KIRREL3: variants seen among roughly 807,000 people sequenced by gnomAD.
KIRREL3 encodes the protein kin of IRRE-like protein 3.
A neutral mutation model predicts 89.7 loss-of-function variants in KIRREL3; 36 were observed. The observed-to-expected ratio is 0.40, with a 90% confidence interval of 0.31 to 0.53. The LOEUF (loss-of-function observed/expected upper bound fraction) is 0.53. Ranked by LOEUF, KIRREL3 falls within the 20% of genes least tolerant of loss-of-function variation. The probability of loss-of-function intolerance (pLI) is 0.49; values close to 1 mark genes in which losing one functional copy is unlikely to be tolerated. For synonymous variants in KIRREL3, 445 were observed against 441.4 expected, an observed-to-expected ratio of 1.01 and a Z score of -0.10; for missense variants, 864 against 1,056.6, an observed-to-expected ratio of 0.82 and a Z score of 2.53.
At chr11:126,765,700 G>C (rs1949802073) in intron 1 of KIRREL3, among the ~76,000 whole-genome samples, 10 of 152,128 alleles carry the variant, frequency 6.6e-5, no homozygotes, top group Admixed American at 6.5e-4. Flanking sequence ...GCAGTTTTCG[G>C]GGAAGCAACC....
chr11:126,510,012 A>AAAAAAAG (rs1489081152), intron 4 of KIRREL3, among the ~76,000 whole-genome samples: 1 of 134,012 alleles, frequency 7.5e-6, no homozygotes, highest in East Asian at 2.0e-4. Flanking sequence ...AAAAAAAAAA[A>AAAAAAAG]AAAAAAGAAA....
intron 1 of KIRREL3, among the ~76,000 whole-genome samples, chr11:126,901,482 G>C (rs769412354): frequency 6.6e-5 from 10 of 152,180 alleles, no homozygotes; most frequent in Non-Finnish European, 1.2e-4. Context: ...CTCTCCGGAA[G>C]AGAATGTGAA....
chr11:126,485,749 C>T lies in KIRREL3; in HGVS notation c.434-12283G>A, dbSNP rs1957343552. ...GTTCTGCTATTACCTTGTTCCATGCCCAGCCCTGGACTCCTGAGATGGAAT... is the reference window on the plus strand; with the variant it reads ...GTTCTGCTATTACCTTGTTCCATGCTCAGCCCTGGACTCCTGAGATGGAAT... On this transcript the variant is annotated intron_variant, in intron 4 of 16. Coordinates refer to ENST00000525144, the MANE Select transcript of KIRREL3 (RefSeq NM_032531.4). This position sits in a 1 kb window ranked among gnomAD's most constrained non-coding sequence, Gnocchi z 5.8. Among the ~76,000 whole-genome samples the T allele has an allele frequency of 6.6e-6, 1 of 152,196 alleles. No homozygotes were observed. Among genetic ancestry groups the T allele is most frequent in the African/African-American group, 2.4e-5 (1 of 41,442 alleles).
intron 4 of KIRREL3, among the ~76,000 whole-genome samples, chr11:126,487,827 G>T (rs1957405617): frequency 6.6e-6 from 1 of 152,244 alleles, no homozygotes; most frequent in Non-Finnish European, 1.5e-5. Flanking sequence ...TTTAGCCACA[G>T]ACAACTCCAG....
intron 2 of KIRREL3, among the ~76,000 whole-genome samples, chr11:126,543,474 G>A (rs1237334696): frequency 6.6e-6 from 1 of 152,156 alleles, no homozygotes; most frequent in East Asian, 1.9e-4. Flanking sequence ...AGGGTCACAG[G>A]GTGTGGTAGA....
At position 126,768,809 on chromosome 11, in the gene KIRREL3, G is replaced by A. The variant is rs1949927443; in HGVS notation, c.56-205897C>T. Among the ~76,000 whole-genome samples, 1 of 152,206 alleles carries A rather than the reference G, an allele frequency of 6.6e-6. No individual in the cohort carries two copies. Among genetic ancestry groups the A allele is most frequent in the South Asian group, 2.1e-4 (1 of 4,820 alleles). On this transcript the variant is annotated intron_variant, in intron 1 of 16. Coordinates refer to ENST00000525144, the MANE Select transcript of KIRREL3 (RefSeq NM_032531.4). This position sits in a 1 kb window ranked among gnomAD's most constrained non-coding sequence, Gnocchi z 4.5. ...AAGCTTGATGGTCCTGGGGAAAGGA[G>A]GTATGGCAGGATGTCTGAGCAGTCG...
intron 5 of KIRREL3, among the ~76,000 whole-genome samples, chr11:126,472,228 C>T (rs1171400317): frequency 1.3e-5 from 2 of 152,188 alleles, no homozygotes; most frequent in East Asian, 3.8e-4. Flanking sequence ...TCAAATTTAA[C>T]TGGGCATCTG....
chr11:126,661,736 C>T (rs1258927751), intron 1 of KIRREL3, among the ~76,000 whole-genome samples: 1 of 152,310 alleles, frequency 6.6e-6, no homozygotes, highest in East Asian at 1.9e-4. Flanking sequence ...ACTATGGATA[C>T]CCAGGCTCCA....
In KIRREL3 at chr11:126,642,777, T is replaced by C. The variant is rs553237830; in HGVS notation, c.56-79865A>G. 6.6e-6 allele frequency among the ~76,000 whole-genome samples: 1 copy of C among 152,318 alleles called. No homozygotes were observed. The highest frequency in any genetic ancestry group is 2.1e-4 in the South Asian group (1 of 4,824). ...AGGCAGGGGGATGGATGAAAGAATG[T>C]CTTTATGTCCCTTCAAGGGTTATGA... On this transcript the variant is annotated intron_variant, in intron 1 of 16. Transcript: ENST00000525144. This position sits in a 1 kb window ranked among gnomAD's most constrained non-coding sequence, Gnocchi z 4.9.
At position 126,498,066 on chromosome 11, in the gene KIRREL3, G is replaced by A. The variant is rs1249122078; in HGVS notation, c.433+23249C>T. Among the ~76,000 whole-genome samples, 1 of 152,184 alleles carries A rather than the reference G, an allele frequency of 6.6e-6. No individual in the cohort carries two copies. The highest frequency in any genetic ancestry group is 2.4e-5 in the African/African-American group (1 of 41,440). On this transcript the variant is annotated intron_variant, in intron 4 of 16. Coordinates refer to ENST00000525144, the MANE Select transcript of KIRREL3 (RefSeq NM_032531.4). The surrounding 1 kb of genome is among the most constrained non-coding windows in gnomAD (Gnocchi z 4.3). ...GACAAGGAAGCAGAGGCTCAGAGAG[G>A]GTAAATGACTTGCCCCAAATCACAC...
At position 126,513,015 on chromosome 11, in the gene KIRREL3, G is replaced by T. The variant is rs1488714544; in HGVS notation, c.433+8300C>A. 6.6e-6 allele frequency among the ~76,000 whole-genome samples: 1 copy of T among 152,138 alleles called. No individual in the cohort carries two copies. The highest frequency in any genetic ancestry group is 1.5e-5 in the Non-Finnish European group (1 of 68,026). On this transcript the variant is annotated intron_variant, in intron 4 of 16. Coordinates refer to ENST00000525144, the MANE Select transcript of KIRREL3 (RefSeq NM_032531.4). The surrounding 1 kb of genome is among the most constrained non-coding windows in gnomAD (Gnocchi z 5.9). ...GGAGTGAATGCGTCCCAGCTCCCCAGTGAGGGCCGTTTGTCCTGCTTGGGT... is the reference window on the plus strand; with the variant it reads ...GGAGTGAATGCGTCCCAGCTCCCCATTGAGGGCCGTTTGTCCTGCTTGGGT...
intron 1 of KIRREL3, among the ~76,000 whole-genome samples, chr11:126,922,532 C>T (rs1422396877): frequency 1.3e-5 from 2 of 151,968 alleles, no homozygotes; most frequent in Non-Finnish European, 2.9e-5. Flanking sequence ...ATGTAACGTT[C>T]CCTCCCATAC....
chr11:126,660,356 A>G (rs1329591398), intron 1 of KIRREL3, among the ~76,000 whole-genome samples: 1 of 152,202 alleles, frequency 6.6e-6, no homozygotes, highest in Non-Finnish European at 1.5e-5. Context: ...GACACAGACA[A>G]TCCATGGAAA....
At position 126,521,707 on chromosome 11, in the gene KIRREL3, TG is replaced by T. The variant is rs1293188420; in HGVS notation, c.284-244del. ...GTGTGTGTGTGTGTGTGTGTGTGTG[TG>T]TGTGTGTGTGTGTGTGTGTGTGTAT... On this transcript the variant is annotated intron_variant, in intron 3 of 16. Coordinates refer to ENST00000525144, the MANE Select transcript of KIRREL3 (RefSeq NM_032531.4). This position sits in a 1 kb window ranked among gnomAD's most constrained non-coding sequence, Gnocchi z 4.1. Among the ~76,000 whole-genome samples, 3 of 150,168 alleles carry T rather than the reference TG, an allele frequency of 2.0e-5. No homozygotes were observed. Among genetic ancestry groups the T allele is most frequent in the Admixed American group, 1.3e-4 (2 of 15,100 alleles).
At position 126,551,106 on chromosome 11, in the gene KIRREL3, G is replaced by A. The variant is rs1939225197; in HGVS notation, c.133+11729C>T. On this transcript the variant is annotated intron_variant, in intron 2 of 16. Coordinates refer to ENST00000525144, the MANE Select transcript of KIRREL3 (RefSeq NM_032531.4). This position sits in a 1 kb window ranked among gnomAD's most constrained non-coding sequence, Gnocchi z 4.9. ...AGTTTATTCTAAAGGATATTACAAA[G>A]AATACAGATGAAGAGATTGGGGGGA... 2.0e-5 allele frequency among the ~76,000 whole-genome samples: 3 copies of A among 152,166 alleles called. No homozygotes were observed. The highest frequency in any genetic ancestry group is 2.0e-4 in the Admixed American group (3 of 15,288).
At position 126,427,062 on chromosome 11, in the gene KIRREL3, T is replaced by A. The variant is rs1482295619; in HGVS notation, c.1807-1338A>T. On this transcript the variant is annotated intron_variant, in intron 15 of 16. Coordinates refer to ENST00000525144, the MANE Select transcript of KIRREL3 (RefSeq NM_032531.4). This position sits in a 1 kb window ranked among gnomAD's most constrained non-coding sequence, Gnocchi z 5.3. ...ACACTGAGCTGCCCCCACTCTTGCC[T>A]GTGGATTTGGACTAAGGGATGTGGA... Among the ~76,000 whole-genome samples the A allele has an allele frequency of 6.6e-6, 1 of 152,150 alleles. No individual in the cohort carries two copies. Among genetic ancestry groups the A allele is most frequent in the African/African-American group, 2.4e-5 (1 of 41,434 alleles).
At chr11:126,759,489 G>C (rs916942256) in intron 1 of KIRREL3, among the ~76,000 whole-genome samples, 3 of 152,196 alleles carry the variant, frequency 2.0e-5, no homozygotes, top group African/African-American at 7.2e-5. Context: ...AGAATTTACA[G>C]AGAAATGCAT....
At chr11:126,960,285 T>C (rs1949046152) in intron 1 of KIRREL3, among the ~76,000 whole-genome samples, 1 of 152,220 alleles carries the variant, frequency 6.6e-6, no homozygotes, top group Admixed American at 6.5e-5. Flanking sequence ...CAGGGTAGTT[T>C]AATATCCTAA....
rs1280947120 is a variant in KIRREL3, at chr11:126,530,602, C to T, written c.134-3915G>A. Among the ~76,000 whole-genome samples the T allele has an allele frequency of 6.6e-6, 1 of 152,176 alleles. No individual in the cohort carries two copies. The highest frequency in any genetic ancestry group is 1.5e-5 in the Non-Finnish European group (1 of 68,026). On this transcript the variant is annotated intron_variant, in intron 2 of 16. Transcript: ENST00000525144. The surrounding 1 kb of genome is among the most constrained non-coding windows in gnomAD (Gnocchi z 5.8). ...AGGGGAACAGGCCTGGCCACCCCTC[C>T]AGGAGCTCGCAGCTGTGCCCCCTCC...
Sources: gnomAD v4.1 joint callset for allele counts (sites outside exome capture counted in the v4.1 genomes callset) on GRCh38, gnomAD v4.1.1 for gene constraint, Gnocchi (gnomAD v3.1) non-coding constraint, MANE v1.5 for transcripts, NCBI Gene and HGNC (gene_info 2026-07-23, HGNC 2026-07-21) for gene names.